Variants in NME2 observed in about 807,000 individuals in gnomAD.
NME2 encodes nucleoside diphosphate kinase B.
NME2 carries 18 observed loss-of-function variants against 17.8 expected under a neutral mutation model. The observed-to-expected ratio is 1.01, with a 90% CI of 0.70 to 1.50. The LOEUF (loss-of-function observed/expected upper bound fraction) is 1.50. Among genes scored for constraint, NME2 ranks in the 40% most tolerant of loss-of-function variants. NME2 has a pLI of 0.00. For synonymous variants in NME2, 74 were observed against 71.4 expected, an observed-to-expected ratio of 1.04 and a Z score of -0.19; for missense variants, 161 against 195.6, an observed-to-expected ratio of 0.82 and a Z score of 1.05.
At chr17:51,166,735 G>T in intron 1 of NME2, 92 bp from the exon 2 acceptor site, 1 of 1,324,524 alleles carries the variant, frequency 7.5e-7, no homozygotes, top group Non-Finnish European at 9.7e-7. Flanking sequence ...GCCGCGCGTG[G>T]TGGGGGAGGA....
At chr17:51,170,157 T>G in intron 4 of NME2, 108 bp downstream of exon 4, 1 of 947,390 alleles carries the variant, frequency 1.1e-6, no homozygotes. Flanking sequence ...TTTTTTTTTT[T>G]TTTCTTGAGA....
intron 2 of NME2, 80 bp downstream of exon 2, chr17:51,167,036 C>T: frequency 6.2e-7 from 1 of 1,606,366 alleles, no homozygotes; most frequent in Non-Finnish European, 8.5e-7. Context: ...TTGTCCGCGT[C>T]TGCTTTCCGA....
chr17:51,166,823 G>A lies in NME2; in HGVS notation c.-4-4G>A. ...GGGCCCTGACCGCACCTCTCGCCCCGCAGGACCATGGCCAACCTGGAGCGC... is the reference window on the plus strand; with the variant it reads ...GGGCCCTGACCGCACCTCTCGCCCCACAGGACCATGGCCAACCTGGAGCGC... On this transcript the variant is annotated splice_polypyrimidine_tract_variant and splice_region_variant and intron_variant, in intron 1 of 4. Transcript: ENST00000512737. 1 of 1,609,262 alleles carries A rather than the reference G, an allele frequency of 6.2e-7. No individual in the cohort carries two copies. The highest frequency in any genetic ancestry group is 8.5e-7 in the Non-Finnish European group (1 of 1,177,952).
chr17:51,165,904 G>A (rs1219580188), upstream of NME2: 1 of 152,350 alleles, frequency 6.6e-6, no homozygotes, highest in African/African-American at 2.4e-5. Context: ...TGCGCGGAGA[G>A]GTGAGATCGA....
intron 1 of NME2, 96 bp from the exon 2 acceptor site, chr17:51,166,731 C>T: frequency 7.8e-7 from 1 of 1,286,890 alleles, no homozygotes; most frequent in Non-Finnish European, 9.9e-7. Context: ...CGCGGCCGCG[C>T]GTGGTGGGGG....
chr17:51,167,523 T>C (rs980473082), intron 2 of NME2, among the ~76,000 whole-genome samples: 1 of 152,184 alleles, frequency 6.6e-6, no homozygotes, highest in Non-Finnish European at 1.5e-5. Context: ...TAAAAGGGCA[T>C]TGTGAGTAGC....
chr17:51,170,131 G>C, intron 4 of NME2, 82 bp downstream of exon 4: 14 of 868,882 alleles, frequency 1.6e-5, no homozygotes, highest in Non-Finnish European at 2.1e-5. Context: ...ACTTTCAGAA[G>C]AATCTGTGCC....
intron 2 of NME2, 137 bp from the exon 3 acceptor site, chr17:51,168,105 A>G (rs903381442): frequency 5.7e-4 from 205 of 359,268 alleles, no homozygotes; most frequent in East Asian, 1.3e-3. Flanking sequence ...ATATGTGTGT[A>G]TATATATATA....
In NME2 at chr17:51,168,241, G is replaced by A. The variant is rs1479432022; in HGVS notation, c.127-1G>A. ...AACTGGTGCCTCCTCTCCAATGCCA[G>A]GCCTCTGAAGAACACCTGAAGCAGC... On this transcript the variant is annotated splice_acceptor_variant, in intron 2 of 4. Transcript: ENST00000512737. LOFTEE classifies it high-confidence loss of function. 1.9e-6 allele frequency: 3 copies of A among 1,613,566 alleles called. No homozygotes were observed. The highest frequency in any genetic ancestry group is 1.7e-5 in the Admixed American group (1 of 59,946).
In NME2 at chr17:51,171,424, G is replaced by A. The variant is rs2050066550; in HGVS notation, c.342-63G>A. 2.1e-6 allele frequency: 3 copies of A among 1,443,534 alleles called. No homozygotes were observed. The South Asian group carries it at 3.6e-5, about 17-fold the overall frequency. The allele number at this position is 1,443,534 out of a possible 1,614,324, so 89.4% of individuals were successfully genotyped here. ...AGAGTCTGGAGTGCTGTCCATTGCG[G>A]TACCCATTAAACAGACTTTTGCACT... On this transcript the variant is annotated intron_variant, in intron 4 of 4. Transcript: ENST00000512737.
At chr17:51,166,115 C>CTGTGTG (rs34942810), upstream of NME2, among the ~76,000 whole-genome samples, 485 of 148,968 alleles carry the variant, frequency 3.3e-3, 3 homozygotes, top group African/African-American at 6.1e-3. Context: ...GGAGCAGGTT[C>CTGTGTG]TGTGTGTGTG....
rs114459942 is a variant in NME2 at position 51,168,761 on chromosome 17, C to T, written c.228+418C>T. 5.1e-3 allele frequency among the ~76,000 whole-genome samples: 776 copies of T among 152,080 alleles called. 6 individuals carry two copies. The highest frequency in any genetic ancestry group is 0.018 in the African/African-American group (728 of 41,500). Reference sequence around the variant, plus strand: ...ACTGCCTGCAAGAGTGGTAAATTTTCGGGCCAGGCTTGGTGGCTCATGCCT... The same window carrying T: ...ACTGCCTGCAAGAGTGGTAAATTTTTGGGCCAGGCTTGGTGGCTCATGCCT... On this transcript the variant is annotated intron_variant, in intron 3 of 4. Coordinates refer to ENST00000512737, the MANE Select transcript of NME2 (RefSeq NM_002512.4).
upstream of NME2, chr17:51,165,741 A>C (rs1243063920): frequency 6.6e-6 from 1 of 152,338 alleles, no homozygotes; most frequent in Non-Finnish European, 1.5e-5. Context: ...CTGGAAATGT[A>C]GGTGGGGAGG....
chr17:51,169,909 AT>A (rs1568127426), intron 3 of NME2, 27 bp from the exon 4 acceptor site: 1 of 1,609,752 alleles, frequency 6.2e-7, no homozygotes, highest in Non-Finnish European at 8.5e-7. Context: ...GGCAGGTCTG[AT>A]TATAAATCCA....
chr17:51,169,155 G>A (rs2050013090), intron 3 of NME2, among the ~76,000 whole-genome samples: 1 of 151,844 alleles, frequency 6.6e-6, no homozygotes, highest in South Asian at 2.1e-4. Flanking sequence ...AATATGAGGA[G>A]AGAGTGGCTG....
At chr17:51,167,182 G>A (rs1347084204) in intron 2 of NME2, 3 of 1,011,004 alleles carry the variant, frequency 3.0e-6, no homozygotes, top group East Asian at 6.9e-5. Context: ...CTCGCCCTCC[G>A]GGTTTGGGTT....
In NME2 at chr17:51,170,060, G is replaced by A; in HGVS notation, c.341+11G>A. The A allele has an allele frequency of 6.3e-7, 1 of 1,599,132 alleles. No homozygotes were observed. Among genetic ancestry groups the A allele is most frequent in the East Asian group, 2.3e-5 (1 of 43,914 alleles). Reference sequence around the variant, plus strand: ...CATTCAGGTTGGCAGGTAAGTCCGGGGACAGGAGGGTGGATGACTTTTATG... The same window carrying A: ...CATTCAGGTTGGCAGGTAAGTCCGGAGACAGGAGGGTGGATGACTTTTATG... On this transcript the variant is annotated intron_variant, in intron 4 of 4. Coordinates refer to ENST00000512737, the MANE Select transcript of NME2 (RefSeq NM_002512.4).
At chr17:51,170,963 C>T (rs1267460794) in intron 4 of NME2, among the ~76,000 whole-genome samples, 3 of 152,116 alleles carry the variant, frequency 2.0e-5, no homozygotes, top group Non-Finnish European at 4.4e-5. Flanking sequence ...ATGGGTGTGT[C>T]ACTTAACCTT....
intron 3 of NME2, 146 bp downstream of exon 3, chr17:51,168,489 A>C (rs2049994797): frequency 7.9e-6 from 6 of 755,962 alleles, no homozygotes; most frequent in Non-Finnish European, 1.1e-5. Flanking sequence ...TTGGGAGGAG[A>C]AAGCAAATCA....
Sources: allele counts gnomAD v4.1 joint callset (sites outside exome capture counted in the v4.1 genomes callset), GRCh38; gene constraint gnomAD v4.1.1; transcripts MANE v1.5; gene names NCBI Gene and HGNC (gene_info 2026-07-23, HGNC 2026-07-21).